The following IQUB variants were observed in gnomAD, a reference collection of about 807,000 sequenced individuals.
IQUB encodes the protein IQ motif and ubiquitin-like domain-containing protein.
IQUB carries 86 observed loss-of-function variants against 86.4 expected under a neutral mutation model. The observed-to-expected ratio is 1.00, with a 90% CI of 0.84 to 1.19. IQUB has a LOEUF of 1.19. IQUB is among the 50% of genes most tolerant of loss of function. IQUB has a pLI of 0.00. For missense variants in IQUB, 946 were observed against 916.9 expected (o/e 1.03, Z -0.41); for synonymous variants, 289 against 304.5 (o/e 0.95, Z 0.53).
intron 11 of IQUB, among the ~76,000 whole-genome samples, chr7:123,460,991 T>A (rs1346203619): frequency 1.3e-5 from 2 of 151,772 alleles, no homozygotes; most frequent in African/African-American, 4.8e-5. Context: ...TTTTTTTACT[T>A]TCTATAAGCC....
chr7:123,527,995 G>T (rs1224958111), intron 1 of IQUB, among the ~76,000 whole-genome samples: 4 of 152,220 alleles, frequency 2.6e-5, no homozygotes. Flanking sequence ...CCTCCGAGCC[G>T]GGTGGGGGAT....
chr7:123,472,227 G>A (rs1794554165), intron 8 of IQUB, among the ~76,000 whole-genome samples: 1 of 146,944 alleles, frequency 6.8e-6, no homozygotes, highest in Non-Finnish European at 1.5e-5. Context: ...AACAGTGCAA[G>A]ACCCCAACTC....
At chr7:123,470,260 T>C (rs141794290) in intron 8 of IQUB, among the ~76,000 whole-genome samples, 23 of 152,222 alleles carry the variant, frequency 1.5e-4, no homozygotes, top group African/African-American at 5.3e-4. Flanking sequence ...AGTGAACACT[T>C]ACTGTCTATT....
intron 6 of IQUB, among the ~76,000 whole-genome samples, chr7:123,498,309 A>G (rs888188711): frequency 6.6e-6 from 1 of 152,134 alleles, no homozygotes; most frequent in African/African-American, 2.4e-5. Flanking sequence ...CTATATATTC[A>G]TGAGCCCTCC....
intron 8 of IQUB, 49 bp downstream of exon 8, chr7:123,479,746 T>A (rs1281316981): frequency 7.3e-7 from 1 of 1,372,630 alleles, no homozygotes; most frequent in Non-Finnish European, 1.0e-6. Context: ...TATTCTACAT[T>A]TTTTAACTCA....
intron 12 of IQUB, 194 bp downstream of exon 12, chr7:123,457,187 A>T: frequency 1.0e-6 from 1 of 970,388 alleles, no homozygotes; most frequent in Non-Finnish European, 1.2e-6. Flanking sequence ...AATATGTTCA[A>T]ATCTCTTATA....
chr7:123,480,008 A>T, intron 7 of IQUB, 38 bp from the exon 8 acceptor site: 1 of 1,510,878 alleles, frequency 6.6e-7, no homozygotes, highest in Non-Finnish European at 9.0e-7. Flanking sequence ...AGTTTTTAAA[A>T]ATCCCATCTT....
chr7:123,478,574 A>C (rs1208651433), intron 8 of IQUB, among the ~76,000 whole-genome samples: 3 of 152,168 alleles, frequency 2.0e-5, no homozygotes, highest in African/African-American at 7.2e-5. Flanking sequence ...GTGTAATAAA[A>C]AAAAGAAACA....
At chr7:123,497,296 C>A (rs1351894950) in intron 6 of IQUB, among the ~76,000 whole-genome samples, 1 of 152,028 alleles carries the variant, frequency 6.6e-6, no homozygotes, top group African/African-American at 2.4e-5. Context: ...AGTGCTTAAC[C>A]CAAGCCTGGT....
chr7:123,480,544 C>T (rs1304629103), intron 7 of IQUB, among the ~76,000 whole-genome samples: 2 of 152,184 alleles, frequency 1.3e-5, no homozygotes, highest in East Asian at 3.9e-4. Flanking sequence ...ACTTTCCATA[C>T]CCCATCTTCT....
rs867356724 is a variant in IQUB, at chr7:123,492,346, A to G, written c.1234+4350T>C. Among the ~76,000 whole-genome samples the G allele has an allele frequency of 2.6e-5, 4 of 152,176 alleles. No individual in the cohort carries two copies. In the South Asian group the frequency reaches 6.2e-4, roughly 24 times the overall value. Reference sequence around the variant, plus strand: ...AAAGTTTAAACATTCATCTCAACACATATCTCACATCTCATACAAAATTTA... The same window carrying G: ...AAAGTTTAAACATTCATCTCAACACGTATCTCACATCTCATACAAAATTTA... On this transcript the variant is annotated intron_variant, in intron 7 of 12. Coordinates refer to ENST00000324698, the MANE Select transcript of IQUB (RefSeq NM_178827.5).
intron 12 of IQUB, 135 bp from the exon 13 acceptor site, chr7:123,453,060 C>A (rs1793509605): frequency 3.0e-6 from 2 of 657,254 alleles, no homozygotes; most frequent in Non-Finnish European, 5.0e-6. Context: ...CGTTGTCTAT[C>A]ATCATTCACG....
intron 7 of IQUB, among the ~76,000 whole-genome samples, chr7:123,491,466 G>A (rs1178244842): frequency 6.6e-6 from 1 of 151,932 alleles, no homozygotes; most frequent in African/African-American, 2.4e-5. Context: ...AAAAAAAGAA[G>A]GAAACACAAA....
intron 12 of IQUB, among the ~76,000 whole-genome samples, chr7:123,454,964 A>T (rs531260044): frequency 1.2e-4 from 19 of 152,254 alleles, no homozygotes; most frequent in African/African-American, 4.6e-4. Flanking sequence ...TTTGGAAAGG[A>T]GTTATTATGT....
In IQUB at chr7:123,452,694, A is replaced by G; in HGVS notation, c.*49T>C. On this transcript the variant is annotated 3_prime_UTR_variant, in exon 13 of 13. Coordinates refer to ENST00000324698, the MANE Select transcript of IQUB (RefSeq NM_178827.5). Reference sequence around the variant, plus strand: ...TACTCTGTGACCTCTGTATTACCCTATTAGCAGTGAACAAAATGCCGATCA... The same window carrying G: ...TACTCTGTGACCTCTGTATTACCCTGTTAGCAGTGAACAAAATGCCGATCA... 2 of 1,305,282 alleles carry G rather than the reference A, an allele frequency of 1.5e-6. No individual in the cohort carries two copies. Among genetic ancestry groups the G allele is most frequent in the South Asian group, 1.3e-5 (1 of 79,814 alleles). 80.9% of individuals were successfully genotyped at this position (1,305,282 alleles called of 1,614,324 possible).
chr7:123,465,054 C>T (rs1020191848), intron 9 of IQUB, 45 bp from the exon 10 acceptor site: 4 of 1,269,334 alleles, frequency 3.2e-6, no homozygotes, highest in African/African-American at 3.1e-5. Context: ...TTACAAATCA[C>T]TAAGTTCACT....
chr7:123,518,346 C>G (rs1434982590), intron 1 of IQUB, among the ~76,000 whole-genome samples: 1 of 152,190 alleles, frequency 6.6e-6, no homozygotes, highest in Non-Finnish European at 1.5e-5. Flanking sequence ...ATCCATTATT[C>G]TCACAGCAGC....
chr7:123,500,482 T>G (rs996614494), intron 6 of IQUB, among the ~76,000 whole-genome samples: 17 of 151,992 alleles, frequency 1.1e-4, no homozygotes, highest in Admixed American at 2.6e-4. Context: ...ATATCAGTAG[T>G]CACGCAAAAT....
intron 1 of IQUB, among the ~76,000 whole-genome samples, chr7:123,528,983 T>C (rs1797393566): frequency 6.6e-6 from 1 of 152,122 alleles, no homozygotes; most frequent in Non-Finnish European, 1.5e-5. Flanking sequence ...AAGTGTGAAA[T>C]GTAAAATGTG....
Sources: allele counts gnomAD v4.1 joint callset (sites outside exome capture counted in the v4.1 genomes callset), GRCh38; gene constraint gnomAD v4.1.1; transcripts MANE v1.5; gene names NCBI Gene and HGNC (gene_info 2026-07-23, HGNC 2026-07-21).